BRINP3: variants seen among roughly 807,000 people sequenced by gnomAD.
The protein encoded by BRINP3 is BMP/retinoic acid-inducible neural-specific protein 3.
Under a neutral mutation model 71.0 loss-of-function variants are expected in BRINP3, and 19 were observed. The observed-to-expected ratio is 0.27, with a 90% CI of 0.19 to 0.39. The LOEUF (loss-of-function observed/expected upper bound fraction) is 0.39, where lower values mean the gene tolerates loss of function less well. BRINP3 is among the 10% of genes least tolerant of loss of function. The pLI, the probability that BRINP3 is intolerant of heterozygous loss-of-function variation, is 1.00. For synonymous variants in BRINP3, 380 were observed against 337.7 expected, an observed-to-expected ratio of 1.13 and a Z score of -1.37; for missense variants, 959 against 940.8, an observed-to-expected ratio of 1.02 and a Z score of -0.25.
intron 7 of BRINP3, 72 bp downstream of exon 7, chr1:190,160,596 A>T (rs1002845803): frequency 1.6e-6 from 2 of 1,284,566 alleles, no homozygotes; most frequent in Non-Finnish European, 2.2e-6. Context: ...ACACACCTGC[A>T]TTCAGAAAAA....
intron 2 of BRINP3, among the ~76,000 whole-genome samples, chr1:190,394,410 T>G (rs12143182): frequency 0.38 from 58,034 of 151,154 alleles, 11,717 homozygotes; most frequent in Admixed American, 0.5. Context: ...TCTTGCACTG[T>G]TTTTCAAATT....
chr1:190,359,027 G>A (rs1251805508), intron 2 of BRINP3, among the ~76,000 whole-genome samples: 1 of 151,980 alleles, frequency 6.6e-6, no homozygotes. Flanking sequence ...GGGGGGAGAG[G>A]GGAGGGATAG....
At chr1:190,457,217 G>A (rs924290253) in intron 1 of BRINP3, among the ~76,000 whole-genome samples, 14 of 152,084 alleles carry the variant, frequency 9.2e-5, no homozygotes, top group African/African-American at 3.1e-4. Flanking sequence ...CGAGGAGGGC[G>A]GATCACCTGA....
intron 2 of BRINP3, among the ~76,000 whole-genome samples, chr1:190,425,719 G>A (rs1165359047): frequency 6.6e-6 from 1 of 151,798 alleles, no homozygotes; most frequent in East Asian, 1.9e-4. Context: ...TTGCACAACA[G>A]CTAAGTTGGC....
chr1:190,134,061 C>A (rs577146015), intron 7 of BRINP3, among the ~76,000 whole-genome samples: 1 of 152,074 alleles, frequency 6.6e-6, no homozygotes, highest in South Asian at 2.1e-4. Context: ...GGCTTTCATT[C>A]TCAATATATA....
intron 6 of BRINP3, among the ~76,000 whole-genome samples, chr1:190,171,439 A>G (rs1652002186): frequency 6.6e-6 from 1 of 152,120 alleles, no homozygotes; most frequent in Admixed American, 6.6e-5. Context: ...TTGTAGGCCA[A>G]TTGTTAATTT....
At chr1:190,248,429 A>T (rs1053385167) in intron 4 of BRINP3, among the ~76,000 whole-genome samples, 15 of 151,510 alleles carry the variant, frequency 9.9e-5, no homozygotes, top group African/African-American at 3.6e-4. Context: ...TTCACCAAAA[A>T]ACTCTATTCC....
chr1:190,434,661 TA>T (rs1363894990), intron 2 of BRINP3, among the ~76,000 whole-genome samples: 2 of 152,048 alleles, frequency 1.3e-5, no homozygotes, highest in African/African-American at 4.8e-5. Context: ...AACATCTTAC[TA>T]TTATTATAAA....
chr1:190,332,920 A>G (rs1667060133), intron 2 of BRINP3, among the ~76,000 whole-genome samples: 1 of 151,706 alleles, frequency 6.6e-6, no homozygotes, highest in Admixed American at 6.6e-5. Flanking sequence ...TTTCTTTTTC[A>G]TGCATCTATG....
chr1:190,240,621 G>C (rs1420066633), intron 4 of BRINP3, among the ~76,000 whole-genome samples: 3 of 151,948 alleles, frequency 2.0e-5, no homozygotes, highest in African/African-American at 7.2e-5. Context: ...TGTAATCCCA[G>C]CACTTTGGGA....
In BRINP3 at chr1:190,300,471, G is replaced by T. The variant is rs558572807; in HGVS notation, c.237-18721C>A. Among the ~76,000 whole-genome samples the T allele has an allele frequency of 1.4e-4, 22 of 152,170 alleles. No homozygotes were observed. In the South Asian group the frequency reaches 4.6e-3, roughly 32 times the overall value. Reference sequence around the variant, plus strand: ...TTCTTCTAAGGCTCCACCTCTGGGGGCAGGGCACAGACAAACAAAAAGACA... The same window carrying T: ...TTCTTCTAAGGCTCCACCTCTGGGGTCAGGGCACAGACAAACAAAAAGACA... On this transcript the variant is annotated intron_variant, in intron 2 of 7. Transcript: ENST00000367462.
intron 2 of BRINP3, among the ~76,000 whole-genome samples, chr1:190,418,619 G>A (rs1012539782): frequency 3.3e-5 from 5 of 151,936 alleles, no homozygotes; most frequent in African/African-American, 1.2e-4. Flanking sequence ...ATCCTTTTAG[G>A]TATAATTTGT....
rs965353478 is a variant in BRINP3, at chr1:190,416,612, T to A, written c.236+38043A>T. ...TCATAACAACCTATACTTCTAAGAA[T>A]TTATGTCTCTAACATAAATGAGATA... is the stretch of plus-strand genomic sequence containing the variant. On this transcript the variant is annotated intron_variant, in intron 2 of 7. Transcript: ENST00000367462. Among the ~76,000 whole-genome samples the A allele has an allele frequency of 2.6e-5, 4 of 152,324 alleles. No individual in the cohort carries two copies. In the East Asian group the frequency reaches 7.7e-4, roughly 29 times the overall value.
At chr1:190,345,715 G>GAAAAAAA (rs10664849) in intron 2 of BRINP3, among the ~76,000 whole-genome samples, 1 of 103,630 alleles carries the variant, frequency 9.6e-6, no homozygotes, top group African/African-American at 3.4e-5. Context: ...TTTACCTTCA[G>GAAAAAAA]AAAAAAAAAA....
chr1:190,343,108 C>A (rs142930613), intron 2 of BRINP3, among the ~76,000 whole-genome samples: 1 of 151,396 alleles, frequency 6.6e-6, no homozygotes, highest in African/African-American at 2.4e-5. Flanking sequence ...GATGAACAGG[C>A]GATGTATCAA....
intron 6 of BRINP3, among the ~76,000 whole-genome samples, chr1:190,172,217 T>C (rs1418418076): frequency 6.6e-6 from 1 of 150,396 alleles, no homozygotes; most frequent in Non-Finnish European, 1.5e-5. Flanking sequence ...ATATCAGTGA[T>C]TTGGGTGACA....
intron 2 of BRINP3, among the ~76,000 whole-genome samples, chr1:190,340,368 C>T (rs1309501109): frequency 1.3e-5 from 2 of 151,872 alleles, no homozygotes; most frequent in Non-Finnish European, 2.9e-5. Context: ...ATCTCATAAT[C>T]AAATCTTTGA....
In BRINP3 at chr1:190,098,390, G is replaced by A; in HGVS notation, c.1929C>T (p.Ser643=). 4 of 1,614,140 alleles carry A rather than the reference G, an allele frequency of 2.5e-6. No homozygotes were observed. The highest frequency in any genetic ancestry group is 3.4e-6 in the Non-Finnish European group (4 of 1,180,024). ...IKSNGPNGNE[S]IYYEPLEFID... The stretch of plus-strand genomic sequence containing the variant: ...TAAACTCCAGAGGTTCATAGTAAAT[G>A]CTCTCATTACCATTGGGACCATTGG... The change falls in exon 8 of 8, where the codon AGC becomes AGT. Residue 643 remains serine (S), a synonymous_variant. Transcript: ENST00000367462.
At chr1:190,181,076 C>T (rs1466563371) in intron 6 of BRINP3, among the ~76,000 whole-genome samples, 1 of 152,086 alleles carries the variant, frequency 6.6e-6, no homozygotes, top group East Asian at 1.9e-4. Flanking sequence ...CTGTACCTAA[C>T]CCCTGGCAAA....
Sources: gnomAD v4.1 joint callset for allele counts (sites outside exome capture counted in the v4.1 genomes callset) on GRCh38, gnomAD v4.1.1 for gene constraint, MANE v1.5 for transcripts, NCBI Gene and HGNC (gene_info 2026-07-23, HGNC 2026-07-21) for gene names.